The following XRCC5 variants were observed in gnomAD, a reference collection of about 807,000 sequenced individuals.
XRCC5 encodes the protein X-ray repair cross complementing 5, also known as DNA repair protein Ku80.
A neutral mutation model predicts 95.7 loss-of-function variants in XRCC5; 12 were observed. The ratio of observed to expected loss-of-function variants is 0.13; its 90% CI spans 0.08 to 0.20. XRCC5 has a LOEUF of 0.20. Ranked by LOEUF, XRCC5 falls within the 10% of genes least tolerant of loss-of-function variation. XRCC5 has a pLI of 1.00. For synonymous variants in XRCC5, 281 were observed against 290.3 expected (o/e 0.97, Z 0.33); for missense variants, 595 against 873.9 (o/e 0.68, Z 4.02).
At chr2:216,123,695 A>G (rs1696856886) in intron 6 of XRCC5, among the ~76,000 whole-genome samples, 2 of 152,172 alleles carry the variant, frequency 1.3e-5, no homozygotes, top group Non-Finnish European at 2.9e-5. Context: ...AGTCCTAGCT[A>G]CTTGAGAGGC....
At chr2:216,136,337 CAA>C (rs765558357) in intron 10 of XRCC5, among the ~76,000 whole-genome samples, 2 of 128,102 alleles carry the variant, frequency 1.6e-5, no homozygotes, top group Non-Finnish European at 3.3e-5. Context: ...GCCTGGGCAA[CAA>C]GAGCGAAACT....
intron 20 of XRCC5, 67 bp from the exon 21 acceptor site, chr2:216,205,121 C>T (rs1478382438): frequency 6.3e-7 from 1 of 1,596,044 alleles, no homozygotes; most frequent in African/African-American, 1.3e-5. Context: ...TAAACCCTCT[C>T]TCACCAGAGA....
rs1057205254 is a variant in XRCC5 at position 216,174,849 on chromosome 2, C to G, written c.1834+12801C>G. Reference sequence around the variant, plus strand: ...TAACCTGCAACTTTTGTGACAACTCCTTGTTCTTTCTCCTGCTAAGAATTG... The same window carrying G: ...TAACCTGCAACTTTTGTGACAACTCGTTGTTCTTTCTCCTGCTAAGAATTG... On this transcript the variant is annotated intron_variant, in intron 16 of 20. Coordinates refer to ENST00000392132, the MANE Select transcript of XRCC5 (RefSeq NM_021141.4). 5.5e-5 allele frequency: 14 copies of G among 256,292 alleles called. No individual in the cohort carries two copies. In the South Asian group the frequency reaches 6.9e-4, roughly 13 times the overall value. 15.9% of individuals were successfully genotyped at this position (256,292 alleles called of 1,614,324 possible). A position where few individuals can be genotyped will look rare whatever the true frequency, so the allele number is the denominator to read the frequency against.
chr2:216,116,905 G>C, intron 3 of XRCC5, 63 bp downstream of exon 3: 1 of 1,563,252 alleles, frequency 6.4e-7, no homozygotes, highest in Non-Finnish European at 8.7e-7. Flanking sequence ...TCGTACAGCA[G>C]TTTGATGAGA....
At chr2:216,126,352 TGTA>T (rs552797042) in intron 7 of XRCC5, among the ~76,000 whole-genome samples, 56 of 152,340 alleles carry the variant, frequency 3.7e-4, no homozygotes, top group African/African-American at 1.3e-3. Flanking sequence ...GCTGTGTTAT[TGTA>T]GTATCATAGC....
At chr2:216,122,758 A>C (rs1696833346) in intron 6 of XRCC5, among the ~76,000 whole-genome samples, 1 of 152,034 alleles carries the variant, frequency 6.6e-6, no homozygotes, top group Non-Finnish European at 1.5e-5. Flanking sequence ...TGAGTGAAAA[A>C]AAAAAAAACC....
chr2:216,203,488 T>G (rs1221284094), intron 19 of XRCC5, among the ~76,000 whole-genome samples: 1 of 152,296 alleles, frequency 6.6e-6, no homozygotes, highest in South Asian at 2.1e-4. Context: ...TGCTATCCCT[T>G]GGAGGGACAG....
intron 13 of XRCC5, among the ~76,000 whole-genome samples, chr2:216,142,903 T>C (rs1697194981): frequency 6.6e-6 from 1 of 152,248 alleles, no homozygotes; most frequent in Non-Finnish European, 1.5e-5. Context: ...TGACTCTGAA[T>C]ACTCATGCCC....
intron 17 of XRCC5, among the ~76,000 whole-genome samples, chr2:216,192,105 T>C (rs539930520): frequency 6.6e-6 from 1 of 152,234 alleles, no homozygotes; most frequent in Admixed American, 6.5e-5. Context: ...TTCAAGCAAT[T>C]CTCCTGCCTC....
intron 19 of XRCC5, among the ~76,000 whole-genome samples, chr2:216,196,584 T>C (rs1451279822): frequency 1.3e-5 from 2 of 152,102 alleles, no homozygotes; most frequent in African/African-American, 4.8e-5. Context: ...TTTCAGAAAT[T>C]GGCTTGTGTG....
intron 14 of XRCC5, among the ~76,000 whole-genome samples, chr2:216,152,359 G>C (rs1330926363): frequency 6.6e-6 from 1 of 152,028 alleles, no homozygotes; most frequent in African/African-American, 2.4e-5. Flanking sequence ...AAAATTGCTT[G>C]AACCTAGGAG....
chr2:216,173,795 C>A (rs916382163), intron 16 of XRCC5, among the ~76,000 whole-genome samples: 1 of 152,172 alleles, frequency 6.6e-6, no homozygotes, highest in Non-Finnish European at 1.5e-5. Flanking sequence ...TCTTCTCTGT[C>A]TCTGGCTTGC....
intron 14 of XRCC5, among the ~76,000 whole-genome samples, chr2:216,155,995 CCTT>C (rs1233860848): frequency 1.3e-5 from 2 of 152,150 alleles, no homozygotes; most frequent in South Asian, 2.1e-4. Context: ...AAAAGCTCAC[CCTT>C]CTTATAGACG....
intron 16 of XRCC5, among the ~76,000 whole-genome samples, chr2:216,187,827 T>A (rs747035895): frequency 0.051 from 3,360 of 66,488 alleles, 152 homozygotes; most frequent in African/African-American, 0.18. Context: ...ACACACTCTC[T>A]CTCTCTCTCT....
chr2:216,181,378 TC>T (rs1477251269), intron 16 of XRCC5, among the ~76,000 whole-genome samples: 1 of 152,194 alleles, frequency 6.6e-6, no homozygotes, highest in Non-Finnish European at 1.5e-5. Flanking sequence ...TATTAATTAC[TC>T]CCATTCAGTC....
At chr2:216,171,775 G>T in intron 16 of XRCC5, among the ~76,000 whole-genome samples, 1 of 152,142 alleles carries the variant, frequency 6.6e-6, no homozygotes, top group Non-Finnish European at 1.5e-5. Context: ...TACTTATTCT[G>T]TGATAGAAAC....
chr2:216,114,468 C>G (rs569944514), intron 2 of XRCC5, among the ~76,000 whole-genome samples: 28 of 152,076 alleles, frequency 1.8e-4, no homozygotes, highest in Non-Finnish European at 1.9e-4. Flanking sequence ...TGGCTGTCCC[C>G]TGGTATGCTG....
At chr2:216,135,605 C>A (rs979616736) in intron 10 of XRCC5, among the ~76,000 whole-genome samples, 1 of 152,080 alleles carries the variant, frequency 6.6e-6, no homozygotes, top group Non-Finnish European at 1.5e-5. Context: ...CGAGACCAGT[C>A]TGGGCAACAT....
chr2:216,142,508 A>C (rs1172428301), intron 13 of XRCC5, among the ~76,000 whole-genome samples: 1 of 152,196 alleles, frequency 6.6e-6, no homozygotes, highest in Non-Finnish European at 1.5e-5. Context: ...GGGGAGGGCT[A>C]GACCAAGGTT....
Sources: gnomAD v4.1 joint callset for allele counts (sites outside exome capture counted in the v4.1 genomes callset) on GRCh38, gnomAD v4.1.1 for gene constraint, MANE v1.5 for transcripts, NCBI Gene and HGNC (gene_info 2026-07-23, HGNC 2026-07-21) for gene names.